Variants in ANO2 observed in about 807,000 individuals in gnomAD.
ANO2 encodes the protein anoctamin 2.
In ANO2, 101 loss-of-function variants were observed where a neutral mutation model predicts 124.2. The observed-to-expected ratio is 0.81, with a 90% CI of 0.69 to 0.96. ANO2 has a LOEUF of 0.96. Among genes scored for constraint, ANO2 ranks in the 40% least tolerant of loss-of-function variants. The pLI is 0.00. For missense variants in ANO2, 1,293 were observed against 1,274.5 expected (o/e 1.01, Z -0.22); for synonymous variants, 486 against 482.5 (o/e 1.01, Z -0.09).
intron 10 of ANO2, among the ~76,000 whole-genome samples, chr12:5,782,785 C>T (rs1046444580): frequency 6.6e-6 from 1 of 152,172 alleles, no homozygotes; most frequent in African/African-American, 2.4e-5. Context: ...GGCTATAAGG[C>T]AACAGGGTAT....
intron 7 of ANO2, among the ~76,000 whole-genome samples, chr12:5,820,771 G>C (rs1177445387): frequency 6.6e-6 from 1 of 152,212 alleles, no homozygotes; most frequent in African/African-American, 2.4e-5. Context: ...AAGACAGATG[G>C]ATCTTGGAGA....
intron 20 of ANO2, among the ~76,000 whole-genome samples, chr12:5,597,553 C>T (rs1943727089): frequency 6.6e-6 from 1 of 152,126 alleles, no homozygotes; most frequent in Non-Finnish European, 1.5e-5. Context: ...TATACATAAA[C>T]TAGAAAACTT....
chr12:5,607,350 C>T (rs1039279555), intron 19 of ANO2, among the ~76,000 whole-genome samples: 1 of 152,060 alleles, frequency 6.6e-6, no homozygotes, highest in African/African-American at 2.4e-5. Context: ...CCGATGTCCA[C>T]ATTTTATGTT....
intron 10 of ANO2, among the ~76,000 whole-genome samples, chr12:5,751,710 A>C (rs1228563455): frequency 1.3e-5 from 2 of 152,210 alleles, no homozygotes; most frequent in East Asian, 3.8e-4. Context: ...TAATTAAAAA[A>C]TTATTTTCTC....
chr12:5,812,712 AGAAG>A (rs143502256), intron 7 of ANO2, among the ~76,000 whole-genome samples: 2 of 101,010 alleles, frequency 2.0e-5, no homozygotes, highest in Admixed American at 9.9e-5. Flanking sequence ...GAAAAGAAGA[AGAAG>A]GAAGGGAGGG....
intron 15 of ANO2, among the ~76,000 whole-genome samples, chr12:5,640,743 C>T (rs61908077): frequency 0.012 from 1,860 of 152,182 alleles, 18 homozygotes; most frequent in Middle Eastern, 0.02. Flanking sequence ...GGAGAGGATG[C>T]GGAGAAATAG....
chr12:5,641,617 G>A (rs931397972), intron 15 of ANO2, among the ~76,000 whole-genome samples: 1 of 152,212 alleles, frequency 6.6e-6, no homozygotes, highest in Non-Finnish European at 1.5e-5. Flanking sequence ...GATGTGTAAA[G>A]GGGGCTCTCC....
intron 3 of ANO2, among the ~76,000 whole-genome samples, chr12:5,871,121 C>T (rs998147314): frequency 6.6e-6 from 1 of 152,140 alleles, no homozygotes; most frequent in Non-Finnish European, 1.5e-5. Context: ...TGGATGCCGA[C>T]TCACAGGAAA....
intron 3 of ANO2, among the ~76,000 whole-genome samples, chr12:5,861,941 G>T (rs982427778): frequency 6.6e-6 from 1 of 152,182 alleles, no homozygotes. Flanking sequence ...TGAAATAAGA[G>T]CAGGAATTCA....
chr12:5,675,843 C>T (rs1178114803), intron 14 of ANO2, among the ~76,000 whole-genome samples: 1 of 152,182 alleles, frequency 6.6e-6, no homozygotes, highest in African/African-American at 2.4e-5. Context: ...CATGTGCTTG[C>T]CCCAGTCTCA....
chr12:5,800,328 A>G (rs891023018), intron 9 of ANO2, among the ~76,000 whole-genome samples: 10 of 152,372 alleles, frequency 6.6e-5, no homozygotes, highest in Non-Finnish European at 1.3e-4. Flanking sequence ...TTTGCAGGTC[A>G]TGCTAAAATC....
intron 10 of ANO2, among the ~76,000 whole-genome samples, chr12:5,771,872 T>C (rs1026626850): frequency 6.2e-4 from 94 of 152,344 alleles, no homozygotes; most frequent in African/African-American, 2.2e-3. Flanking sequence ...ATGGTATCTG[T>C]TCCAGTTTTT....
chr12:5,711,937 T>C (rs1949833827), intron 14 of ANO2, among the ~76,000 whole-genome samples: 1 of 152,158 alleles, frequency 6.6e-6, no homozygotes, highest in Non-Finnish European at 1.5e-5. Flanking sequence ...GGTCATGGTG[T>C]CCAAATCCTA....
chr12:5,809,789 C>A (rs866817440), intron 7 of ANO2, among the ~76,000 whole-genome samples: 3 of 152,188 alleles, frequency 2.0e-5, no homozygotes, highest in Non-Finnish European at 4.4e-5. Context: ...GCCTGACCTG[C>A]GTCAGAGAGC....
At chr12:5,664,403 C>T (rs964695568) in intron 14 of ANO2, among the ~76,000 whole-genome samples, 5 of 152,218 alleles carry the variant, frequency 3.3e-5, no homozygotes, top group African/African-American at 1.2e-4. Flanking sequence ...ATCTATCCAT[C>T]CATCCATACA....
chr12:5,807,513 T>G, intron 7 of ANO2, 145 bp from the exon 8 acceptor site: 1 of 591,584 alleles, frequency 1.7e-6, no homozygotes, highest in Non-Finnish European at 2.8e-6. Flanking sequence ...CTAGAACTTT[T>G]TGTCAAGCTC....
intron 10 of ANO2, among the ~76,000 whole-genome samples, chr12:5,767,484 A>G (rs1235447061): frequency 6.6e-6 from 1 of 152,230 alleles, no homozygotes; most frequent in African/African-American, 2.4e-5. Flanking sequence ...ATAAGGAGTG[A>G]GTATTGGAGA....
At chr12:5,833,698 C>T (rs796275016) in intron 4 of ANO2, among the ~76,000 whole-genome samples, 11 of 152,212 alleles carry the variant, frequency 7.2e-5, no homozygotes, top group African/African-American at 2.4e-4. Flanking sequence ...CTCATAGGAG[C>T]GTGAACCCTA....
intron 15 of ANO2, among the ~76,000 whole-genome samples, chr12:5,642,302 C>A (rs1407581955): frequency 6.6e-6 from 1 of 152,100 alleles, no homozygotes; most frequent in Non-Finnish European, 1.5e-5. Context: ...GCTTTAAATG[C>A]CTTCTATAGT....
Sources: gnomAD v4.1 joint callset for allele counts (sites outside exome capture counted in the v4.1 genomes callset) on GRCh38, gnomAD v4.1.1 for gene constraint, MANE v1.5 for transcripts, NCBI Gene and HGNC (gene_info 2026-07-23, HGNC 2026-07-21) for gene names.